Variants in BRAP observed in about 807,000 individuals in gnomAD.
BRAP encodes the protein BRCA1 associated protein.
BRAP carries 42 observed loss-of-function variants against 73.4 expected under a neutral mutation model. The observed-to-expected ratio is 0.57, with a 90% CI of 0.45 to 0.74. The LOEUF is 0.74. Ranked by LOEUF, BRAP falls within the 30% of genes least tolerant of loss-of-function variation. The pLI is 0.00. For missense variants in BRAP, 593 were observed against 751.4 expected (o/e 0.79, Z 2.46); for synonymous variants, 255 against 267.4 (o/e 0.95, Z 0.45).
At chr12:111,648,881 G>A (rs559105980) in intron 11 of BRAP, among the ~76,000 whole-genome samples, 3 of 152,004 alleles carry the variant, frequency 2.0e-5, no homozygotes, top group South Asian at 4.2e-4. Flanking sequence ...AGCCGAGATC[G>A]CGCCACAGCA....
At chr12:111,655,784 C>A in intron 9 of BRAP, 129 bp from the exon 10 acceptor site, 1 of 708,588 alleles carries the variant, frequency 1.4e-6, no homozygotes. Flanking sequence ...TATTTACGCC[C>A]TGGTTCTACT....
chr12:111,659,440 G>A, intron 7 of BRAP, 95 bp from the exon 8 acceptor site: 2 of 1,235,688 alleles, frequency 1.6e-6, no homozygotes, highest in Admixed American at 4.5e-5. Context: ...GATCACCTGA[G>A]GTCAGGAGTT....
chr12:111,657,511 G>A (rs1886578661), intron 9 of BRAP, among the ~76,000 whole-genome samples: 1 of 152,152 alleles, frequency 6.6e-6, no homozygotes, highest in Non-Finnish European at 1.5e-5. Context: ...CTTGAAATGA[G>A]CAAGTTTTCA....
intron 2 of BRAP, among the ~76,000 whole-genome samples, chr12:111,682,230 T>C (rs1425656954): frequency 6.6e-6 from 1 of 152,122 alleles, no homozygotes; most frequent in Non-Finnish European, 1.5e-5. Context: ...GCAGATAAAA[T>C]GAGCTGGCTG....
Position 111,672,793 on chromosome 12 carries a change from A to G in BRAP, c.634-19T>C. On this transcript the variant is annotated intron_variant, in intron 4 of 11. Transcript: ENST00000419234. ...CATCAGCCTATGTACACCAATGGGG[A>G]AAAGGAAAAAAATTAAGACAGATAC... is the stretch of plus-strand genomic sequence containing the variant. 9.4e-6 allele frequency: 15 copies of G among 1,591,830 alleles called. No individual in the cohort carries two copies. The highest frequency in any genetic ancestry group is 1.3e-5 in the Non-Finnish European group (15 of 1,163,610).
intron 5 of BRAP, chr12:111,669,961 T>G (rs916009190): frequency 3.6e-5 from 23 of 637,354 alleles, no homozygotes; most frequent in Non-Finnish European, 5.3e-5. Context: ...TTGGTCCAGC[T>G]GATGTTGGTG....
intron 5 of BRAP, chr12:111,670,488 CTTAATTTT>C: frequency 4.4e-6 from 1 of 226,092 alleles, no homozygotes. Context: ...TTCAGGTCTA[CTTAATTTT>C]TTAATTTTGT....
At chr12:111,670,982 C>T (rs1887147507) in intron 5 of BRAP, among the ~76,000 whole-genome samples, 1 of 151,962 alleles carries the variant, frequency 6.6e-6, no homozygotes, top group Non-Finnish European at 1.5e-5. Flanking sequence ...TGCCTATAGT[C>T]CTAGCCACTT....
In BRAP at chr12:111,665,872, G is replaced by A. The variant is rs1017038611; in HGVS notation, c.748-85C>T. Reference sequence around the variant, plus strand: ...CTTCTTTTTTCTGAGACAGGGTCTCGCTCTCTGTCACCCACGCTGGAGCCC... The same window carrying A: ...CTTCTTTTTTCTGAGACAGGGTCTCACTCTCTGTCACCCACGCTGGAGCCC... On this transcript the variant is annotated intron_variant, in intron 5 of 11. Coordinates refer to ENST00000419234, the MANE Select transcript of BRAP (RefSeq NM_006768.5). This position sits in a 1 kb window ranked among gnomAD's most constrained non-coding sequence, Gnocchi z 4.3. 4 of 1,540,790 alleles carry A rather than the reference G, an allele frequency of 2.6e-6. No homozygotes were observed. The highest frequency in any genetic ancestry group is 3.5e-6 in the Non-Finnish European group (4 of 1,129,456).
intron 10 of BRAP, 72 bp from the exon 11 acceptor site, chr12:111,650,114 AT>A: frequency 8.3e-6 from 9 of 1,090,350 alleles, no homozygotes; most frequent in South Asian, 1.5e-5. Flanking sequence ...CCAACATCAT[AT>A]TTTTCCCCCC....
chr12:111,665,734 A>T lies in BRAP; in HGVS notation c.801T>A (p.Cys267Ter). Residue 267 changes from cysteine to a stop codon, truncating the protein, a stop_gained, in exon 6 of 12, where the codon TGT (cysteine) becomes TGA (stop). Transcript: ENST00000419234. LOFTEE classifies it high-confidence loss of function. The surrounding 1 kb of genome is among the most constrained non-coding windows in gnomAD (Gnocchi z 4.3). ...DLTELPKCTV[C>*]LERMDESVNG... ...TCACAGACTCGTCCATGCGCTCCAG[A>T]CACACCGTGCACTTGGGGAGTTCAG... is the stretch of plus-strand genomic sequence containing the variant. The T allele has an allele frequency of 6.2e-7, 1 of 1,614,238 alleles. No homozygotes were observed. The highest frequency in any genetic ancestry group is 8.5e-7 in the Non-Finnish European group (1 of 1,180,046).
intron 11 of BRAP, among the ~76,000 whole-genome samples, chr12:111,645,747 CG>C (rs1351843279): frequency 2.0e-5 from 3 of 151,846 alleles, no homozygotes; most frequent in African/African-American, 7.3e-5. Context: ...GAGGCTGAGG[CG>C]AGAGGATCGC....
chr12:111,644,727 T>C (rs1886041012), intron 11 of BRAP, among the ~76,000 whole-genome samples, 165 bp from the exon 12 acceptor site: 1 of 152,198 alleles, frequency 6.6e-6, no homozygotes, highest in Non-Finnish European at 1.5e-5. Context: ...CAATCAGCTA[T>C]GCAAAGCAAG....
chr12:111,676,153 C>G (rs1887373004), intron 4 of BRAP, among the ~76,000 whole-genome samples: 1 of 152,042 alleles, frequency 6.6e-6, no homozygotes, highest in African/African-American at 2.4e-5. Context: ...GTTGGGATTA[C>G]AGACATGAGC....
At chr12:111,650,897 T>TA (rs896571148) in intron 10 of BRAP, among the ~76,000 whole-genome samples, 3 of 152,138 alleles carry the variant, frequency 2.0e-5, no homozygotes, top group Non-Finnish European at 2.9e-5. Flanking sequence ...CTTAAAAACA[T>TA]AAGAGAATTA....
chr12:111,646,515 C>T (rs1886117585), intron 11 of BRAP, among the ~76,000 whole-genome samples: 1 of 152,122 alleles, frequency 6.6e-6, no homozygotes, highest in Admixed American at 6.6e-5. Context: ...TGGCTCACGC[C>T]TGTTATCCCA....
chr12:111,656,266 G>A (rs893380837), intron 9 of BRAP, among the ~76,000 whole-genome samples: 7 of 152,218 alleles, frequency 4.6e-5, no homozygotes, highest in African/African-American at 1.4e-4. Flanking sequence ...GACAGATGGC[G>A]TATGACAGTA....
chr12:111,674,402 C>T (rs1887297042), intron 4 of BRAP, among the ~76,000 whole-genome samples: 1 of 152,140 alleles, frequency 6.6e-6, no homozygotes, highest in African/African-American at 2.4e-5. Context: ...GCCACCACAC[C>T]CAGCTAATTT....
chr12:111,672,303 C>A (rs1843007190), intron 5 of BRAP, among the ~76,000 whole-genome samples: 1 of 152,146 alleles, frequency 6.6e-6, no homozygotes, highest in African/African-American at 2.4e-5. Context: ...GATAAACACT[C>A]AATTTCAACA....
Sources: gnomAD v4.1 joint callset for allele counts (sites outside exome capture counted in the v4.1 genomes callset) on GRCh38, gnomAD v4.1.1 for gene constraint, Gnocchi (gnomAD v3.1) non-coding constraint, MANE v1.5 for transcripts, NCBI Gene and HGNC (gene_info 2026-07-23, HGNC 2026-07-21) for gene names.